CEP128: variants seen among roughly 807,000 people sequenced by gnomAD.
The protein encoded by CEP128 is centrosomal protein 128kDa.
CEP128 carries 132 observed loss-of-function variants against 156.7 expected under a neutral mutation model. That is an observed-to-expected ratio of 0.84 (90% CI 0.73 to 0.97). The LOEUF is 0.97. Among genes scored for constraint, CEP128 ranks in the 50% least tolerant of loss-of-function variants. The pLI is 0.00. For synonymous variants in CEP128, 469 were observed against 448.9 expected, an observed-to-expected ratio of 1.04 and a Z score of -0.57; for missense variants, 1,252 against 1,281.9, an observed-to-expected ratio of 0.98 and a Z score of 0.36.
chr14:80,836,014 G>C (rs1375771800), intron 12 of CEP128, among the ~76,000 whole-genome samples, 191 bp downstream of exon 12: 1 of 152,154 alleles, frequency 6.6e-6, no homozygotes, highest in African/African-American at 2.4e-5. Flanking sequence ...TTTGAACCAA[G>C]CAGGGAAGAT....
chr14:80,780,875 T>C (rs1421540452), intron 15 of CEP128, among the ~76,000 whole-genome samples: 4 of 152,182 alleles, frequency 2.6e-5, no homozygotes, highest in African/African-American at 9.6e-5. Flanking sequence ...CCTGTCCCTC[T>C]GGAGACTTAT....
At chr14:80,905,908 A>T in intron 5 of CEP128, 47 bp downstream of exon 5, 1 of 1,589,760 alleles carries the variant, frequency 6.3e-7, no homozygotes, top group Non-Finnish European at 8.6e-7. Context: ...TTCAATATCT[A>T]CTTCAAAAAT....
chr14:80,594,176 C>T (rs1198646993), intron 19 of CEP128, among the ~76,000 whole-genome samples: 1 of 152,138 alleles, frequency 6.6e-6, no homozygotes, highest in Non-Finnish European at 1.5e-5. Flanking sequence ...CACACATCTA[C>T]AACCATTTCA....
intron 9 of CEP128, among the ~76,000 whole-genome samples, chr14:80,855,653 G>A (rs1887115135): frequency 6.6e-6 from 1 of 152,098 alleles, no homozygotes; most frequent in Admixed American, 6.6e-5. Context: ...CCTTGAAAAG[G>A]TAAGCAAAGG....
intron 2 of CEP128, among the ~76,000 whole-genome samples, chr14:80,935,118 C>T (rs1460201938): frequency 6.6e-6 from 1 of 152,082 alleles, no homozygotes; most frequent in Admixed American, 6.5e-5. Flanking sequence ...TTTCCGAAAC[C>T]CAACTTTTTA....
chr14:80,518,851 A>G (rs1001190972), intron 23 of CEP128, among the ~76,000 whole-genome samples: 3 of 152,218 alleles, frequency 2.0e-5, no homozygotes, highest in African/African-American at 7.2e-5. Context: ...AGCCAAGTTA[A>G]CCCTAAAAGA....
chr14:80,817,774 G>C (rs530767813), intron 13 of CEP128, among the ~76,000 whole-genome samples: 1 of 151,874 alleles, frequency 6.6e-6, no homozygotes, highest in African/African-American at 2.4e-5. Context: ...CTGGCTACTC[G>C]GGAGGCTGAG....
At chr14:80,873,885 G>A (rs553452506) in intron 8 of CEP128, among the ~76,000 whole-genome samples, 19 of 151,962 alleles carry the variant, frequency 1.3e-4, no homozygotes, top group African/African-American at 4.3e-4. Flanking sequence ...TTTTAGAAAC[G>A]GGAGTTTCCC....
At chr14:80,875,440 A>C (rs537171541) in intron 8 of CEP128, among the ~76,000 whole-genome samples, 2 of 152,376 alleles carry the variant, frequency 1.3e-5, no homozygotes, top group South Asian at 4.1e-4. Context: ...AAATAACTAA[A>C]GAATCAAAAC....
chr14:80,576,425 A>G (rs1391739303), intron 20 of CEP128, among the ~76,000 whole-genome samples: 1 of 152,218 alleles, frequency 6.6e-6, no homozygotes, highest in Non-Finnish European at 1.5e-5. Context: ...ACACACAAAA[A>G]TAAGGCAGAC....
At chr14:80,581,040 G>T (rs1891570449) in intron 19 of CEP128, among the ~76,000 whole-genome samples, 5 of 152,174 alleles carry the variant, frequency 3.3e-5, no homozygotes, top group Non-Finnish European at 7.4e-5. Flanking sequence ...GAAATTAGTG[G>T]TTGGAAGGGA....
chr14:80,500,246 A>C (rs1050027642), intron 24 of CEP128, among the ~76,000 whole-genome samples: 2 of 152,170 alleles, frequency 1.3e-5, no homozygotes, highest in African/African-American at 4.8e-5. Flanking sequence ...TAGTTTGGTC[A>C]CAGTTTGACA....
intron 2 of CEP128, among the ~76,000 whole-genome samples, chr14:80,932,404 ACT>A: frequency 6.6e-6 from 1 of 152,156 alleles, no homozygotes; most frequent in East Asian, 1.9e-4. Context: ...ATTGCAAATG[ACT>A]CTGGCCTTAA....
downstream of CEP128, among the ~76,000 whole-genome samples, chr14:80,489,799 A>T (rs985114272): frequency 6.6e-6 from 1 of 151,760 alleles, no homozygotes; most frequent in Non-Finnish European, 1.5e-5. Context: ...GAAAAAGACA[A>T]TTGTTTAGGA....
rs1259328543 is a variant in CEP128, at chr14:80,529,316, A to T, written c.2958+1493T>A. Among the ~76,000 whole-genome samples, 3 of 152,074 alleles carry T rather than the reference A, an allele frequency of 2.0e-5. No homozygotes were observed. In the South Asian group the frequency reaches 6.2e-4, roughly 32 times the overall value. ...AGTACAATGCTGAACTCTGAAAAAGACTCTCCCAAAAAATTTTACTATTTA... is the reference window on the plus strand; with the variant it reads ...AGTACAATGCTGAACTCTGAAAAAGTCTCTCCCAAAAAATTTTACTATTTA... On this transcript the variant is annotated intron_variant, in intron 22 of 24. Transcript: ENST00000555265.
rs1249572837 is a variant in CEP128, at chr14:80,618,847, C to A, written c.2807-38424G>T. ...TCCAGCCCCAGAGATTCTGGTCCAG[C>A]AGACCTGCGTATTTGTATCTCTAGT... On this transcript the variant is annotated intron_variant, in intron 19 of 24. Coordinates refer to ENST00000555265, the MANE Select transcript of CEP128 (RefSeq NM_152446.5). 4.6e-5 allele frequency among the ~76,000 whole-genome samples: 7 copies of A among 152,212 alleles called. No homozygotes were observed. The East Asian group carries it at 7.7e-4, about 17-fold the overall frequency.
chr14:80,534,762 T>C (rs1889403178), intron 21 of CEP128, among the ~76,000 whole-genome samples: 1 of 132,690 alleles, frequency 7.5e-6, no homozygotes, highest in African/African-American at 3.0e-5. Context: ...GAGGTGCAGC[T>C]TGCAGTGAGC....
rs901657528 is a variant in CEP128, at chr14:80,708,798, TG to T, written c.2806+34276del. On this transcript the variant is annotated intron_variant, in intron 19 of 24. Transcript: ENST00000555265. The stretch of plus-strand genomic sequence containing the variant: ...AATTAAAGTTTTTACATTAAACTTC[TG>T]GCCCATTTAAAATTATACTGATGAA... Among the ~76,000 whole-genome samples, 31 of 152,174 alleles carry T rather than the reference TG, an allele frequency of 2.0e-4. 1 individual carries two copies. Among genetic ancestry groups the T allele is most frequent in the African/African-American group, 6.5e-4 (27 of 41,468 alleles).
At chr14:80,728,005 C>T (rs1376524486) in intron 19 of CEP128, among the ~76,000 whole-genome samples, 2 of 152,158 alleles carry the variant, frequency 1.3e-5, no homozygotes, top group African/African-American at 2.4e-5. Context: ...TTACTGGGTA[C>T]ATACCCAAAG....
Sources: allele counts gnomAD v4.1 joint callset (sites outside exome capture counted in the v4.1 genomes callset), GRCh38; gene constraint gnomAD v4.1.1; transcripts MANE v1.5; gene names NCBI Gene and HGNC (gene_info 2026-07-23, HGNC 2026-07-21).